Variants in EXOC6B observed in about 807,000 individuals in gnomAD.
EXOC6B encodes SEC15 homolog B.
In EXOC6B, 54 loss-of-function variants were observed where a neutral mutation model predicts 113.5. The ratio of observed to expected loss-of-function variants is 0.48; its 90% CI spans 0.38 to 0.60. The LOEUF (loss-of-function observed/expected upper bound fraction) is 0.60, where lower values mean the gene tolerates loss of function less well. Ranked by LOEUF, EXOC6B falls within the 20% of genes least tolerant of loss-of-function variation. The pLI is 0.00. For missense variants in EXOC6B, 797 were observed against 977.5 expected (o/e 0.82, Z 2.46); for synonymous variants, 357 against 339.0 (o/e 1.05, Z -0.58).
At chr2:72,470,691 C>A (rs1236557448) in intron 17 of EXOC6B, among the ~76,000 whole-genome samples, 2 of 142,818 alleles carry the variant, frequency 1.4e-5, no homozygotes, top group Non-Finnish European at 1.5e-5. Flanking sequence ...TTGTTCAATT[C>A]CCACCTAGGA....
intron 8 of EXOC6B, among the ~76,000 whole-genome samples, chr2:72,543,012 C>A (rs1702694747): frequency 6.6e-6 from 1 of 152,046 alleles, no homozygotes; most frequent in African/African-American, 2.4e-5. Context: ...ATCCAGAGAT[C>A]TCAGTAATGG....
chr2:72,392,544 T>C (rs1692456552), intron 18 of EXOC6B, among the ~76,000 whole-genome samples: 1 of 152,250 alleles, frequency 6.6e-6, no homozygotes, highest in African/African-American at 2.4e-5. Context: ...TTTGCTAACA[T>C]CAATATCCGG....
At chr2:72,304,022 G>A (rs1412151128) in intron 20 of EXOC6B, among the ~76,000 whole-genome samples, 2 of 152,198 alleles carry the variant, frequency 1.3e-5, no homozygotes, top group African/African-American at 4.8e-5. Context: ...CAACTCTGCA[G>A]AGCTGCTTCC....
chr2:72,335,034 A>G lies in EXOC6B; in HGVS notation c.2123-14T>C, dbSNP rs1167023596. 6.2e-7 allele frequency: 1 copy of G among 1,611,124 alleles called. No homozygotes were observed. The highest frequency in any genetic ancestry group is 2.2e-5 in the East Asian group (1 of 44,850). On this transcript the variant is annotated splice_polypyrimidine_tract_variant and intron_variant, in intron 19 of 21. Transcript: ENST00000272427. Reference sequence around the variant, plus strand: ...ATCTGGCAAACTCTGTGGGAAAGAAAAGAGGATAAAAAGCGCCTTTAACTA... The same window carrying G: ...ATCTGGCAAACTCTGTGGGAAAGAAGAGAGGATAAAAAGCGCCTTTAACTA...
chr2:72,208,267 C>T (rs1369907375), intron 20 of EXOC6B, among the ~76,000 whole-genome samples: 3 of 151,780 alleles, frequency 2.0e-5, no homozygotes, highest in Admixed American at 1.3e-4. Context: ...TCTGCAGTGT[C>T]TGTTGTTCCC....
intron 8 of EXOC6B, among the ~76,000 whole-genome samples, chr2:72,533,330 T>A (rs1702114372): frequency 6.6e-6 from 1 of 152,068 alleles, no homozygotes. Flanking sequence ...AGGTCTACAT[T>A]GAAGAGCAGA....
At chr2:72,580,133 GA>G (rs1473540111) in intron 6 of EXOC6B, among the ~76,000 whole-genome samples, 3 of 134,370 alleles carry the variant, frequency 2.2e-5, no homozygotes, top group Non-Finnish European at 3.2e-5. Flanking sequence ...AAAGAAATAA[GA>G]ATTTTTTTTT....
At chr2:72,543,968 T>C (rs1363553937) in intron 8 of EXOC6B, among the ~76,000 whole-genome samples, 2 of 152,188 alleles carry the variant, frequency 1.3e-5, no homozygotes, top group Non-Finnish European at 2.9e-5. Context: ...AATACATTCT[T>C]ATTGTTCAGG....
In EXOC6B at chr2:72,793,689, C is replaced by T. The variant is rs114878116; in HGVS notation, c.113+32109G>A. On this transcript the variant is annotated intron_variant, in intron 1 of 21. Coordinates refer to ENST00000272427, the MANE Select transcript of EXOC6B (RefSeq NM_015189.3). The stretch of plus-strand genomic sequence containing the variant: ...AGAACACTTCTTGCAAACAGGTTAG[C>T]GAGGTACATAGGTGTAAGAGAAAGT... 5.0e-3 allele frequency among the ~76,000 whole-genome samples: 754 copies of T among 152,056 alleles called. 6 individuals are homozygous for T. The highest frequency in any genetic ancestry group is 0.017 in the African/African-American group (697 of 41,466).
intron 18 of EXOC6B, among the ~76,000 whole-genome samples, chr2:72,435,098 A>G (rs1695770020): frequency 6.6e-6 from 1 of 152,170 alleles, no homozygotes; most frequent in Non-Finnish European, 1.5e-5. Flanking sequence ...AGATTCTGGT[A>G]CGTTGTGTCT....
In EXOC6B at chr2:72,825,793, G is replaced by T. The variant is rs1411186825; in HGVS notation, c.113+5C>A. ...GCCCCTCTGTGGTCCCGGCACCCGG[G>T]GTACCTGAGCGTGGGCCCGATGCAG... On this transcript the variant is annotated splice_donor_5th_base_variant and intron_variant, in intron 1 of 21. Coordinates refer to ENST00000272427, the MANE Select transcript of EXOC6B (RefSeq NM_015189.3). The surrounding 1 kb of genome is among the most constrained non-coding windows in gnomAD (Gnocchi z 4.4). 1 of 1,611,590 alleles carries T rather than the reference G, an allele frequency of 6.2e-7. No individual in the cohort carries two copies. Among genetic ancestry groups the T allele is most frequent in the African/African-American group, 1.3e-5 (1 of 75,032 alleles).
intron 1 of EXOC6B, among the ~76,000 whole-genome samples, chr2:72,814,365 T>C (rs565697688): frequency 1.3e-5 from 2 of 152,360 alleles, no homozygotes; most frequent in South Asian, 2.1e-4. Context: ...TTGTTTTTGC[T>C]TTTATGTAAT....
At chr2:72,240,722 A>C (rs1178933964) in intron 20 of EXOC6B, among the ~76,000 whole-genome samples, 1 of 152,220 alleles carries the variant, frequency 6.6e-6, no homozygotes, top group Non-Finnish European at 1.5e-5. Context: ...ATAAAGAAAA[A>C]AACAAAAGAA....
Position 72,558,733 on chromosome 2 carries a change from C to A in EXOC6B, c.915+720G>T, listed in dbSNP as rs544646656. Among the ~76,000 whole-genome samples, 209 of 151,970 alleles carry A rather than the reference C, an allele frequency of 1.4e-3. 1 individual carries two copies. The highest frequency in any genetic ancestry group is 4.9e-3 in the African/African-American group (205 of 41,420). On this transcript the variant is annotated intron_variant, in intron 8 of 21. Coordinates refer to ENST00000272427, the MANE Select transcript of EXOC6B (RefSeq NM_015189.3). ...GTGGTGAGCCAAGATCATGCCATTG[C>A]ACTCCAGCCTAGGCAACAAGAGCAA... is the stretch of plus-strand genomic sequence containing the variant.
chr2:72,429,096 C>G (rs2105291249), intron 18 of EXOC6B, among the ~76,000 whole-genome samples: 1 of 152,344 alleles, frequency 6.6e-6, no homozygotes, highest in Middle Eastern at 3.4e-3. Flanking sequence ...CTTTACCTTT[C>G]ATTTGATCCT....
intron 20 of EXOC6B, among the ~76,000 whole-genome samples, chr2:72,237,765 A>G (rs1471119278): frequency 6.6e-6 from 1 of 152,182 alleles, no homozygotes; most frequent in Non-Finnish European, 1.5e-5. Context: ...CAGAGGCTAT[A>G]AACTGAGTGA....
chr2:72,363,697 T>C (rs984163218), intron 19 of EXOC6B, among the ~76,000 whole-genome samples: 2 of 152,232 alleles, frequency 1.3e-5, no homozygotes, highest in African/African-American at 4.8e-5. Flanking sequence ...CAGCCTTTCA[T>C]GTATTATCTC....
chr2:72,279,335 C>T (rs1473564117), intron 20 of EXOC6B, among the ~76,000 whole-genome samples: 1 of 152,146 alleles, frequency 6.6e-6, no homozygotes, highest in African/African-American at 2.4e-5. Context: ...CAAAATCACA[C>T]TTTAGTTTCC....
chr2:72,377,904 C>A (rs1305547231), intron 19 of EXOC6B, among the ~76,000 whole-genome samples: 2 of 151,788 alleles, frequency 1.3e-5, no homozygotes, highest in Admixed American at 6.6e-5. Flanking sequence ...CTCAATTTAG[C>A]CACTCCAGAA....
Sources: gnomAD v4.1 joint callset for allele counts (sites outside exome capture counted in the v4.1 genomes callset) on GRCh38, gnomAD v4.1.1 for gene constraint, Gnocchi (gnomAD v3.1) non-coding constraint, MANE v1.5 for transcripts, NCBI Gene and HGNC (gene_info 2026-07-23, HGNC 2026-07-21) for gene names.